The following EIF6 variants were observed in gnomAD, a reference collection of about 807,000 sequenced individuals.
The protein encoded by EIF6 is B4 integrin interactor.
Under a neutral mutation model 25.5 loss-of-function variants are expected in EIF6, and 10 were observed. The observed-to-expected ratio is 0.39, with a 90% CI of 0.24 to 0.66. EIF6 has a LOEUF of 0.66. EIF6 is among the 30% of genes least tolerant of loss of function. The pLI is 0.45. For synonymous variants in EIF6, 122 were observed against 122.6 expected (o/e 1.00, Z 0.03); for missense variants, 246 against 315.4 (o/e 0.78, Z 1.67).
chr20:35,283,937 T>A (rs545334354), intron 3 of EIF6, among the ~76,000 whole-genome samples: 14 of 152,340 alleles, frequency 9.2e-5, no homozygotes, highest in Admixed American at 5.9e-4. Context: ...AGTGTCTTTG[T>A]GACGAAGGAA....
At chr20:35,282,021 T>C (rs2425045) in intron 3 of EIF6, among the ~76,000 whole-genome samples, 51,141 of 148,818 alleles carry the variant, frequency 0.34, 12,043 homozygotes, top group African/African-American at 0.68. Flanking sequence ...CGGAGTCTTG[T>C]TCTGTTGCCC....
intron 4 of EIF6, 130 bp downstream of exon 4, chr20:35,280,524 C>T: frequency 9.0e-7 from 1 of 1,107,212 alleles, no homozygotes; most frequent in South Asian, 1.6e-5. Flanking sequence ...CCAATGAGTA[C>T]CTGAAACTCA....
chr20:35,283,626 C>G (rs1019497029), intron 3 of EIF6, among the ~76,000 whole-genome samples: 11 of 152,118 alleles, frequency 7.2e-5, no homozygotes, highest in African/African-American at 2.7e-4. Context: ...ACAGGGAGGC[C>G]GCGTCTCTAC....
intron 1 of EIF6, 62 bp from the exon 2 acceptor site, chr20:35,284,554 C>A: frequency 6.5e-7 from 1 of 1,534,660 alleles, no homozygotes; most frequent in South Asian, 1.2e-5. Flanking sequence ...TCCCGGCCTC[C>A]GTCCCTCAGG....
At chr20:35,284,663 C>G (rs1271744288) in intron 1 of EIF6, 63 bp downstream of exon 1, 1 of 724,298 alleles carries the variant, frequency 1.4e-6, no homozygotes, top group Non-Finnish European at 2.2e-6. Flanking sequence ...AATCCTCTGG[C>G]CCCCACCCCT....
chr20:35,280,222 T>A, intron 4 of EIF6, 104 bp from the exon 5 acceptor site: 3 of 1,276,942 alleles, frequency 2.3e-6, no homozygotes, highest in South Asian at 1.4e-5. Flanking sequence ...GAGCCCCTCA[T>A]TTCTCCTCTG....
At chr20:35,281,876 C>T (rs1434490369) in intron 3 of EIF6, among the ~76,000 whole-genome samples, 2 of 152,108 alleles carry the variant, frequency 1.3e-5, no homozygotes, top group Non-Finnish European at 2.9e-5. Context: ...GCATCATCTG[C>T]AACTACTACT....
intron 3 of EIF6, among the ~76,000 whole-genome samples, chr20:35,283,866 T>C (rs999478917): frequency 6.6e-6 from 1 of 151,618 alleles, no homozygotes; most frequent in African/African-American, 2.4e-5. Context: ...ACTTACTGAG[T>C]CACTTAGGTC....
At chr20:35,283,257 G>T (rs1003651683) in intron 3 of EIF6, among the ~76,000 whole-genome samples, 1 of 151,900 alleles carries the variant, frequency 6.6e-6, no homozygotes, top group Admixed American at 6.6e-5. Context: ...TTGCACTCCA[G>T]CCTGGGCAAC....
intron 3 of EIF6, among the ~76,000 whole-genome samples, chr20:35,283,490 G>A (rs1379195423): frequency 6.6e-6 from 1 of 152,174 alleles, no homozygotes; most frequent in Non-Finnish European, 1.5e-5. Context: ...CCCAGTCAGT[G>A]GCAGGGAGAG....
intron 6 of EIF6, 49 bp from the exon 7 acceptor site, chr20:35,279,255 C>T: frequency 6.2e-7 from 1 of 1,606,602 alleles, no homozygotes; most frequent in Non-Finnish European, 8.5e-7. Flanking sequence ...ACAGAGCCCA[C>T]CTCACTCTCA....
At chr20:35,280,194 T>A in intron 4 of EIF6, 76 bp from the exon 5 acceptor site, 6 of 1,525,968 alleles carry the variant, frequency 3.9e-6, no homozygotes, top group Non-Finnish European at 5.3e-6. Flanking sequence ...CCCAGAAGCA[T>A]CCAGGCCTTG....
chr20:35,282,124 G>A (rs1208746335), intron 3 of EIF6, among the ~76,000 whole-genome samples: 1 of 151,760 alleles, frequency 6.6e-6, no homozygotes, highest in East Asian at 1.9e-4. Context: ...AAGTAGCTGG[G>A]ACTACAGGCA....
intron 5 of EIF6, 36 bp from the exon 6 acceptor site, chr20:35,279,783 C>G (rs1395194332): frequency 1.2e-6 from 2 of 1,610,466 alleles, no homozygotes; most frequent in African/African-American, 2.7e-5. Context: ...GTCACGGCAC[C>G]AAATTCTCTC....
At chr20:35,280,263 G>A in intron 4 of EIF6, 145 bp from the exon 5 acceptor site, 1 of 923,858 alleles carries the variant, frequency 1.1e-6, no homozygotes, top group Non-Finnish European at 1.6e-6. Context: ...CCCAGAGAAA[G>A]GAGGAAGTAC....
In EIF6 at chr20:35,280,796, G is replaced by C. The variant is rs751521778; in HGVS notation, c.227C>G (p.Thr76Ser). The part of the protein sequence containing the change: ...NRHGLLVPNN[T>S]TDQELQHIRN... ...AATGTGTTGCAGCTCCTGGTCGGTG[G>C]TATTGTTGGGTACCAGGAGACCGTG... The change falls in exon 4 of 7, where the codon ACC becomes AGC. Residue 76 changes from threonine (T) to serine (S), a missense_variant. By Grantham distance (58) the Thr-to-Ser change is moderately conservative. Transcript: ENST00000374450. 8 of 1,614,136 alleles carry C rather than the reference G, an allele frequency of 5.0e-6. No individual in the cohort carries two copies. Among genetic ancestry groups the C allele is most frequent in the Non-Finnish European group, 6.8e-6 (8 of 1,180,016 alleles).
chr20:35,279,237 G>A (rs2060748119), intron 6 of EIF6, 31 bp from the exon 7 acceptor site: 2 of 1,611,750 alleles, frequency 1.2e-6, no homozygotes, highest in Admixed American at 3.3e-5. Context: ...ACGGTCAGTA[G>A]CTGTTTCACA....
intron 5 of EIF6, 42 bp from the exon 6 acceptor site, chr20:35,279,789 C>T (rs2060756440): frequency 6.2e-7 from 1 of 1,609,280 alleles, no homozygotes; most frequent in African/African-American, 1.3e-5. Context: ...GCACCAAATT[C>T]TCTCCCTCCT....
chr20:35,284,290 G>A (rs1485190042), intron 2 of EIF6, 29 bp from the exon 3 acceptor site: 2 of 1,613,782 alleles, frequency 1.2e-6, no homozygotes, highest in Non-Finnish European at 1.7e-6. Flanking sequence ...GGTGGTGGCG[G>A]GGCAGAGGGG....
Sources: gnomAD v4.1 joint callset for allele counts (sites outside exome capture counted in the v4.1 genomes callset) on GRCh38, gnomAD v4.1.1 for gene constraint, MANE v1.5 for transcripts, NCBI Gene and HGNC (gene_info 2026-07-23, HGNC 2026-07-21) for gene names.